Variants in CALD1 observed in about 807,000 individuals in gnomAD.
CALD1 encodes caldesmon 1.
Under a neutral mutation model 99.9 loss-of-function variants are expected in CALD1, and 33 were observed. The ratio of observed to expected loss-of-function variants is 0.33; its 90% CI spans 0.25 to 0.44. CALD1 has a LOEUF of 0.44. Among genes scored for constraint, CALD1 ranks in the 20% least tolerant of loss-of-function variants. The pLI, the probability that CALD1 is intolerant of heterozygous loss-of-function variation, is 1.00. For synonymous variants in CALD1, 310 were observed against 325.0 expected (o/e 0.95, Z 0.50); for missense variants, 861 against 962.1 (o/e 0.89, Z 1.39).
intron 3 of CALD1, among the ~76,000 whole-genome samples, chr7:134,903,656 G>A (rs1389791857): frequency 6.6e-6 from 1 of 151,992 alleles, no homozygotes; most frequent in Non-Finnish European, 1.5e-5. Context: ...TCTCTTCTTA[G>A]CGTCTGCCCT....
chr7:134,767,195 C>CTGTGTGTG (rs34026828), intron 1 of CALD1, among the ~76,000 whole-genome samples: 46 of 148,884 alleles, frequency 3.1e-4, no homozygotes, highest in African/African-American at 7.4e-4. Context: ...CTCTCTGTCT[C>CTGTGTGTG]TGTGTGTGTG....
At chr7:134,765,498 A>T (rs1404897387) in intron 1 of CALD1, among the ~76,000 whole-genome samples, 1 of 152,122 alleles carries the variant, frequency 6.6e-6, no homozygotes, top group Non-Finnish European at 1.5e-5. Context: ...TTTGTGGGAC[A>T]CCTGCCCCAC....
At chr7:134,873,916 T>A (rs1382368146) in intron 3 of CALD1, among the ~76,000 whole-genome samples, 3 of 152,160 alleles carry the variant, frequency 2.0e-5, no homozygotes, top group Non-Finnish European at 4.4e-5. Context: ...TTAATTTGAT[T>A]CTCTACAACA....
At position 134,933,972 on chromosome 7, in the gene CALD1, G is replaced by A. The variant is rs752498924; in HGVS notation, c.1203G>A (p.Glu401=). 5 of 1,613,974 alleles carry A rather than the reference G, an allele frequency of 3.1e-6. No individual in the cohort carries two copies. Among genetic ancestry groups the A allele is most frequent in the Non-Finnish European group, 4.2e-6 (5 of 1,179,998 alleles). ...AAGAGAAAAAACATGCCATGCAAGA[G>A]ACAAAGATAAAAGGGGAAAAGGTAG... The part of the protein sequence containing the change: ...QLEEKKHAMQ[E]TKIKGEKVEQ... Residue 401 remains glutamate (E), a synonymous_variant, in exon 5 of 15, where the codon GAG becomes GAA. Transcript: ENST00000361675.
intron 3 of CALD1, chr7:134,891,489 G>A (rs1802164120): frequency 2.9e-6 from 4 of 1,389,326 alleles, no homozygotes. Flanking sequence ...GGGAGAACAC[G>A]GGAGCATCCT....
At chr7:134,766,358 C>T (rs1796826964) in intron 1 of CALD1, among the ~76,000 whole-genome samples, 1 of 151,794 alleles carries the variant, frequency 6.6e-6, no homozygotes, top group African/African-American at 2.4e-5. Context: ...GTTGGCCAGG[C>T]TAGTCTCGAA....
At chr7:134,891,444 T>C in intron 3 of CALD1, 1 of 1,314,708 alleles carries the variant, frequency 7.6e-7, no homozygotes, top group Non-Finnish European at 9.8e-7. Context: ...AGCCCAGACT[T>C]TCGTCACAGG....
chr7:134,722,023 G>C, the CALD1 span, among the ~76,000 whole-genome samples: 1 of 152,128 alleles, frequency 6.6e-6, no homozygotes, highest in Admixed American at 6.5e-5. Context: ...TCCTCTGATG[G>C]TTTTTCTCTT....
intron 6 of CALD1, among the ~76,000 whole-genome samples, chr7:134,937,607 C>A (rs957141833): frequency 6.6e-6 from 1 of 151,070 alleles, no homozygotes; most frequent in East Asian, 1.9e-4. Flanking sequence ...TTTTAAACAA[C>A]CTCTTCCTAT....
chr7:134,871,041 A>G (rs1434302420), intron 3 of CALD1, among the ~76,000 whole-genome samples: 1 of 152,200 alleles, frequency 6.6e-6, no homozygotes, highest in Admixed American at 6.5e-5. Flanking sequence ...CAAAGAGCAC[A>G]TGAGACCCTG....
chr7:134,787,891 G>T (rs1223984704), intron 1 of CALD1, among the ~76,000 whole-genome samples: 1 of 152,154 alleles, frequency 6.6e-6, no homozygotes, highest in African/African-American at 2.4e-5. Flanking sequence ...CTTCGGTTTA[G>T]AGGGCAGGTG....
At chr7:134,807,588 A>G (rs1161393723) in intron 1 of CALD1, among the ~76,000 whole-genome samples, 1 of 152,140 alleles carries the variant, frequency 6.6e-6, no homozygotes, top group African/African-American at 2.4e-5. Context: ...GGGAGCATGA[A>G]GAGGGTGGAG....
chr7:134,947,606 G>C lies in CALD1; in HGVS notation c.1631G>C (p.Gly544Ala). The C allele has an allele frequency of 6.4e-7, 1 of 1,562,592 alleles. No individual in the cohort carries two copies. The highest frequency in any genetic ancestry group is 8.7e-7 in the Non-Finnish European group (1 of 1,153,086). The change falls in exon 8 of 15, where the codon GGG (glycine) becomes GCG (alanine). Residue 544 changes from glycine to alanine, a missense_variant. Gly to Ala is a moderately conservative substitution (Grantham distance 60). Around this residue, in one of 5 missense-constraint regions of CALD1, gnomAD observed 293 missense variants for 262.7 expected, o/e 1.12. Transcript: ENST00000361675. ...CTGGAGGAGCTTCGTCGTCGTCGCG[G>C]GGAGACCGAGAGCGAAGAGTTCGAG... ...KRLEELRRRRGETESEEFEKL... is the reference protein window; with the variant it reads ...KRLEELRRRRAETESEEFEKL...
rs759905043 is a variant in CALD1, at chr7:134,937,368, C to G, written c.1386+1603C>G. The stretch of plus-strand genomic sequence containing the variant: ...AGCCCTGCCGTTTTCCCAAGTTGCC[C>G]CTCAGCACATTCCAGCCAGTTCCAA... On this transcript the variant is annotated intron_variant, in intron 6 of 14. Coordinates refer to ENST00000361675, the MANE Select transcript of CALD1 (RefSeq NM_033138.4). Among the ~76,000 whole-genome samples the G allele has an allele frequency of 3.4e-4, 51 of 152,058 alleles. 2 individuals carry two copies. The highest frequency in any genetic ancestry group is 3.9e-4 in the Admixed American group (6 of 15,264).
At chr7:134,806,656 A>C (rs1798150295) in intron 1 of CALD1, among the ~76,000 whole-genome samples, 1 of 152,254 alleles carries the variant, frequency 6.6e-6, no homozygotes, top group African/African-American at 2.4e-5. Context: ...CCAAAAGTCT[A>C]AAGTTATTGA....
chr7:134,925,115 G>C (rs1563100674), intron 3 of CALD1, among the ~76,000 whole-genome samples: 1 of 152,032 alleles, frequency 6.6e-6, no homozygotes, highest in Non-Finnish European at 1.5e-5. Flanking sequence ...GTGTATCCTA[G>C]AAAATGGGCT....
intron 1 of CALD1, among the ~76,000 whole-genome samples, chr7:134,837,059 A>C (rs1799472102): frequency 2.0e-5 from 3 of 151,684 alleles, no homozygotes; most frequent in Admixed American, 2.0e-4. Context: ...ATTTTACCAT[A>C]TGGGCTTCTC....
At chr7:134,827,791 C>T (rs1419410378) in intron 1 of CALD1, among the ~76,000 whole-genome samples, 7 of 152,140 alleles carry the variant, frequency 4.6e-5, no homozygotes, top group African/African-American at 1.7e-4. Flanking sequence ...TGACTTTTTT[C>T]ATTCATTCTT....
At position 134,968,723 on chromosome 7, in the gene CALD1, G is replaced by GT. The variant is rs1317178290; in HGVS notation, c.*385dup. On this transcript the variant is annotated 3_prime_UTR_variant, in exon 15 of 15. Transcript: ENST00000361675. ...TCTAGAAAAATGAACCGTAGTTTTT[G>GT]TTTTTTTAAATACAGAAGTCATGTT... 5 of 333,820 alleles carry GT rather than the reference G, an allele frequency of 1.5e-5. No individual in the cohort carries two copies. The East Asian group carries it at 3.0e-4, about 20-fold the overall frequency. 20.7% of individuals were successfully genotyped at this position (333,820 alleles called of 1,614,324 possible). A position where few individuals can be genotyped will look rare whatever the true frequency, so the allele number is the denominator to read the frequency against.
Sources: allele counts gnomAD v4.1 joint callset (sites outside exome capture counted in the v4.1 genomes callset), GRCh38; gene constraint gnomAD v4.1.1; regional missense constraint gnomAD v4.1.1; transcripts MANE v1.5; gene names NCBI Gene and HGNC (gene_info 2026-07-23, HGNC 2026-07-21).